ANKIB1: variants seen among roughly 807,000 people sequenced by gnomAD.
ANKIB1 encodes the protein ankyrin repeat and IBR domain containing 1, also known as ankyrin repeat and IBR domain-containing protein 1.
Under a neutral mutation model 122.1 loss-of-function variants are expected in ANKIB1, and 43 were observed. The observed-to-expected ratio is 0.35, with a 90% CI of 0.28 to 0.45. The LOEUF (loss-of-function observed/expected upper bound fraction) is 0.45. ANKIB1 is among the 20% of genes least tolerant of loss of function. The probability of loss-of-function intolerance (pLI) is 1.00; values close to 1 mark genes in which losing one functional copy is unlikely to be tolerated. For missense variants in ANKIB1, 992 were observed against 1,329.5 expected, an observed-to-expected ratio of 0.75 and a Z score of 3.95; for synonymous variants, 390 against 442.0, an observed-to-expected ratio of 0.88 and a Z score of 1.48.
intron 7 of ANKIB1, among the ~76,000 whole-genome samples, chr7:92,348,506 C>A (rs1256374887): frequency 6.6e-6 from 1 of 151,956 alleles, no homozygotes; most frequent in Non-Finnish European, 1.5e-5. Context: ...CTGCCTCAAC[C>A]TCCTGAGGAG....
intron 3 of ANKIB1, among the ~76,000 whole-genome samples, chr7:92,309,359 A>G (rs1315509391): frequency 1.3e-5 from 2 of 152,212 alleles, no homozygotes; most frequent in Admixed American, 6.5e-5. Flanking sequence ...AGCTAGGACT[A>G]CAGGCACACA....
chr7:92,265,309 G>C (rs1053012478), intron 1 of ANKIB1, among the ~76,000 whole-genome samples: 1 of 152,152 alleles, frequency 6.6e-6, no homozygotes, highest in Non-Finnish European at 1.5e-5. Flanking sequence ...GGAAGGATGA[G>C]AAGATGTTAA....
chr7:92,270,302 A>G (rs994572448), intron 1 of ANKIB1, among the ~76,000 whole-genome samples: 21 of 152,044 alleles, frequency 1.4e-4, no homozygotes, highest in Admixed American at 4.6e-4. Flanking sequence ...GGCTCAAGCA[A>G]TCCTCCTGCC....
intron 2 of ANKIB1, among the ~76,000 whole-genome samples, chr7:92,303,549 G>A (rs573767147): frequency 2.0e-5 from 3 of 152,248 alleles, no homozygotes; most frequent in African/African-American, 4.8e-5. Context: ...AGAAGACAGT[G>A]TGTATGGAGA....
chr7:92,364,310 TAAAAAAAAAAAAAAA>T (rs762884822), intron 10 of ANKIB1, among the ~76,000 whole-genome samples: 7 of 33,528 alleles, frequency 2.1e-4, no homozygotes, highest in African/African-American at 6.4e-4. Context: ...AGACTCCATC[TAAAAAAAAAAAAAAA>T]AAAAAAAAAA....
At chr7:92,281,392 C>T (rs774801988) in intron 1 of ANKIB1, among the ~76,000 whole-genome samples, 3 of 152,110 alleles carry the variant, frequency 2.0e-5, no homozygotes, top group Non-Finnish European at 4.4e-5. Context: ...TGGGAACCCT[C>T]CTGAAATCCA....
At chr7:92,345,108 C>A (rs769955869) in intron 7 of ANKIB1, 42 bp downstream of exon 7, 39 of 1,345,036 alleles carry the variant, frequency 2.9e-5, no homozygotes, top group Non-Finnish European at 3.7e-5. Context: ...TGCATGATAG[C>A]ACTCTGATTT....
rs1289604911 is a variant in ANKIB1, at chr7:92,352,260, A to C, written c.1231-216A>C. ...ATTAAAGAAAACATAAATTTTAAAA[A>C]TAATTTTGTTACTAAGTTAATTGCC... On this transcript the variant is annotated intron_variant, in intron 8 of 19. Transcript: ENST00000265742. 3.9e-5 allele frequency among the ~76,000 whole-genome samples: 6 copies of C among 152,350 alleles called. 1 individual carries two copies. Among genetic ancestry groups the C allele is most frequent in the African/African-American group, 1.4e-4 (6 of 41,582 alleles).
chr7:92,280,616 T>C (rs144419563), intron 1 of ANKIB1, among the ~76,000 whole-genome samples: 2 of 152,292 alleles, frequency 1.3e-5, no homozygotes, highest in Admixed American at 6.5e-5. Context: ...TCTCCTCCTA[T>C]CTCAGGAAAG....
intron 1 of ANKIB1, among the ~76,000 whole-genome samples, chr7:92,290,362 T>G (rs1802219894): frequency 6.8e-6 from 1 of 147,906 alleles, no homozygotes; most frequent in South Asian, 2.1e-4. Flanking sequence ...ATTGAGTATA[T>G]GTATGAAAGT....
chr7:92,321,510 G>A (rs980529693), intron 4 of ANKIB1, among the ~76,000 whole-genome samples: 5 of 152,098 alleles, frequency 3.3e-5, no homozygotes, highest in Admixed American at 3.3e-4. Context: ...TGCCTATTCA[G>A]CAGACTGTTT....
chr7:92,339,184 G>A (rs1803380784), intron 5 of ANKIB1, among the ~76,000 whole-genome samples: 1 of 149,444 alleles, frequency 6.7e-6, no homozygotes, highest in Admixed American at 6.7e-5. Flanking sequence ...TGGGACAACA[G>A]GCACCTGCCA....
chr7:92,257,335 C>T (rs1801469333), intron 1 of ANKIB1, among the ~76,000 whole-genome samples: 1 of 152,074 alleles, frequency 6.6e-6, no homozygotes, highest in Non-Finnish European at 1.5e-5. Context: ...TGTGCCATGT[C>T]ATTAGATAGC....
chr7:92,382,985 G>T (rs571596379), intron 11 of ANKIB1, among the ~76,000 whole-genome samples: 29 of 152,230 alleles, frequency 1.9e-4, no homozygotes, highest in Non-Finnish European at 1.5e-5. Context: ...AAAATTGATA[G>T]ACCGCTAGCA....
At chr7:92,347,983 A>G (rs1341344707) in intron 7 of ANKIB1, 1 of 448,794 alleles carries the variant, frequency 2.2e-6, no homozygotes, top group South Asian at 1.6e-5. Flanking sequence ...CTATGATATC[A>G]TCTGTGAATT....
At chr7:92,286,341 C>T (rs1233290334) in intron 1 of ANKIB1, among the ~76,000 whole-genome samples, 3 of 151,986 alleles carry the variant, frequency 2.0e-5, no homozygotes, top group Non-Finnish European at 2.9e-5. Context: ...ATTTGAGTTA[C>T]GAGATTGCAT....
At chr7:92,273,954 G>T (rs1585082385) in intron 1 of ANKIB1, among the ~76,000 whole-genome samples, 1 of 151,408 alleles carries the variant, frequency 6.6e-6, no homozygotes, top group Admixed American at 6.6e-5. Flanking sequence ...TTTATTTTTT[G>T]TAGAGATGAA....
intron 11 of ANKIB1, among the ~76,000 whole-genome samples, chr7:92,382,849 C>T (rs1804549463): frequency 6.6e-6 from 1 of 152,084 alleles, no homozygotes; most frequent in African/African-American, 2.4e-5. Flanking sequence ...CAAGAGCAAA[C>T]ACATTCAAAA....
At chr7:92,250,946 A>G (rs1801317286) in intron 1 of ANKIB1, among the ~76,000 whole-genome samples, 1 of 152,208 alleles carries the variant, frequency 6.6e-6, no homozygotes, top group Non-Finnish European at 1.5e-5. Context: ...GATTTTTACT[A>G]CTGGTTATAC....
Sources: allele counts gnomAD v4.1 joint callset (sites outside exome capture counted in the v4.1 genomes callset), GRCh38; gene constraint gnomAD v4.1.1; transcripts MANE v1.5; gene names NCBI Gene and HGNC (gene_info 2026-07-23, HGNC 2026-07-21).